The following GAN variants were observed in gnomAD, a reference collection of about 807,000 sequenced individuals.
GAN encodes gigaxonin, also known as epididymis secretory sperm binding protein.
In GAN, 48 loss-of-function variants were observed where a neutral mutation model predicts 71.3. The observed-to-expected ratio is 0.67, with a 90% CI of 0.53 to 0.86. The LOEUF is 0.86. GAN is among the 40% of genes least tolerant of loss of function. GAN has a pLI of 0.00. For synonymous variants in GAN, 386 were observed against 276.8 expected (o/e 1.39, Z -3.92); for missense variants, 928 against 770.1 (o/e 1.21, Z -2.43).
chr16:81,377,330 T>C lies in GAN; in HGVS notation c.1612+2T>C. The C allele has an allele frequency of 6.3e-7, 1 of 1,581,048 alleles. No individual in the cohort carries two copies. The highest frequency in any genetic ancestry group is 8.7e-7 in the Non-Finnish European group (1 of 1,149,782). On this transcript the variant is annotated splice_donor_variant, in intron 10 of 10. Transcript: ENST00000648994. LOFTEE classifies it high-confidence loss of function. The stretch of plus-strand genomic sequence containing the variant: ...ATGTTATTGGAGATCTTGATACAGG[T>C]AAGAGTGTTACAGTGATTTTCTTGG...
intron 1 of GAN, among the ~76,000 whole-genome samples, chr16:81,342,723 T>A (rs1347621658): frequency 6.6e-6 from 1 of 152,020 alleles, no homozygotes; most frequent in Non-Finnish European, 1.5e-5. Context: ...TTAAAAGAAC[T>A]AGAGAAGCAA....
At chr16:81,370,489 T>C (rs1242444823) in intron 9 of GAN, among the ~76,000 whole-genome samples, 1 of 152,248 alleles carries the variant, frequency 6.6e-6, no homozygotes, top group African/African-American at 2.4e-5. Flanking sequence ...ATAGCTAATG[T>C]AGGAAGCACA....
Position 81,389,457 on chromosome 16 carries a change from A to G in GAN, c.*11861A>G, listed in dbSNP as rs548724452. On this transcript the variant is annotated 3_prime_UTR_variant, in exon 11 of 11. Coordinates refer to ENST00000648994, the MANE Select transcript of GAN (RefSeq NM_022041.4). ...GTGTACCAGCAGCCTGGAAGTGACC[A>G]GCAGAGCTGACAAAAGCACCCCCTG... is the stretch of plus-strand genomic sequence containing the variant. 10 of 152,350 alleles carry G rather than the reference A, an allele frequency of 6.6e-5. No individual in the cohort carries two copies. The South Asian group carries it at 2.1e-3, about 32-fold the overall frequency. 9.4% of individuals were successfully genotyped at this position (152,350 alleles called of 1,614,324 possible). A position where few individuals can be genotyped will look rare whatever the true frequency, so the allele number is the denominator to read the frequency against.
At chr16:81,351,530 T>G (rs1013423636) in intron 1 of GAN, 53 bp from the exon 2 acceptor site, 1 of 795,556 alleles carries the variant, frequency 1.3e-6, no homozygotes, top group African/African-American at 1.7e-5. Flanking sequence ...CATAAATATT[T>G]ATAGCTATTT....
Position 81,324,107 on chromosome 16 carries a change from G to T in GAN, c.167+8827G>T, listed in dbSNP as rs569911911. Reference sequence around the variant, plus strand: ...AAACTTCTGATAGTCTGCCCTAAAAGAATTTAATTGGCTGATTTGACCCTT... The same window carrying T: ...AAACTTCTGATAGTCTGCCCTAAAATAATTTAATTGGCTGATTTGACCCTT... On this transcript the variant is annotated intron_variant, in intron 1 of 10. Coordinates refer to ENST00000648994, the MANE Select transcript of GAN (RefSeq NM_022041.4). 5.3e-5 allele frequency among the ~76,000 whole-genome samples: 8 copies of T among 152,242 alleles called. No homozygotes were observed. The East Asian group carries it at 7.7e-4, about 15-fold the overall frequency.
chr16:81,352,962 A>G (rs1363212848), intron 2 of GAN, among the ~76,000 whole-genome samples: 1 of 152,182 alleles, frequency 6.6e-6, no homozygotes, highest in African/African-American at 2.4e-5. Flanking sequence ...TTATTTACAG[A>G]TTGAGTTCTG....
At chr16:81,339,382 T>A (rs1004102094) in intron 1 of GAN, among the ~76,000 whole-genome samples, 1 of 152,254 alleles carries the variant, frequency 6.6e-6, no homozygotes, top group East Asian at 1.9e-4. Context: ...AGCTTTGTTG[T>A]ACCTAAGGTC....
At position 81,362,631 on chromosome 16, in the gene GAN, G is replaced by T; in HGVS notation, c.1086+20G>T. 1 of 1,219,660 alleles carries T rather than the reference G, an allele frequency of 8.2e-7. No homozygotes were observed. Among genetic ancestry groups the T allele is most frequent in the South Asian group, 1.2e-5 (1 of 83,248 alleles). The allele number at this position is 1,219,660 out of a possible 1,614,324, so 75.6% of individuals were successfully genotyped here. On this transcript the variant is annotated intron_variant, in intron 6 of 10. Coordinates refer to ENST00000648994, the MANE Select transcript of GAN (RefSeq NM_022041.4). ...AACGAGGTAAAACACTAGTTGGTTG[G>T]TTTGTTTGATGTGTTTCTCTTTCCC...
chr16:81,320,761 A>T (rs780453639), intron 1 of GAN, among the ~76,000 whole-genome samples: 1 of 152,200 alleles, frequency 6.6e-6, no homozygotes, highest in Non-Finnish European at 1.5e-5. Flanking sequence ...TCTTATGGTG[A>T]TGGAAAATAA....
rs1373742940 is a variant in GAN at position 81,353,267 on chromosome 16, G to C, written c.283-1138G>C. On this transcript the variant is annotated intron_variant, in intron 2 of 10. Coordinates refer to ENST00000648994, the MANE Select transcript of GAN (RefSeq NM_022041.4). ...AGATTGCGCCACTGCACTCCAGCGT[G>C]GGCGACAGAGCGAGACTCCGTCTCA... 2.8e-5 allele frequency among the ~76,000 whole-genome samples: 4 copies of C among 144,910 alleles called. No individual in the cohort carries two copies. In the East Asian group the frequency reaches 6.1e-4, roughly 22 times the overall value.
chr16:81,382,704 G>A lies in GAN; in HGVS notation c.*5108G>A, dbSNP rs1398036483. Reference sequence around the variant, plus strand: ...GCCCATATTTGATAACACAGACTTGGATTGAGTGTCTGTCATGCCTGCTGG... The same window carrying A: ...GCCCATATTTGATAACACAGACTTGAATTGAGTGTCTGTCATGCCTGCTGG... On this transcript the variant is annotated 3_prime_UTR_variant, in exon 11 of 11. Coordinates refer to ENST00000648994, the MANE Select transcript of GAN (RefSeq NM_022041.4). 4 of 152,284 alleles carry A rather than the reference G, an allele frequency of 2.6e-5. No homozygotes were observed. The East Asian group carries it at 7.7e-4, about 29-fold the overall frequency. 9.4% of individuals were successfully genotyped at this position (152,284 alleles called of 1,614,324 possible). A position where few individuals can be genotyped will look rare whatever the true frequency, so the allele number is the denominator to read the frequency against.
chr16:81,315,275 C>T lies in GAN; in HGVS notation c.162C>T (p.Tyr54=). 1.3e-6 allele frequency: 2 copies of T among 1,558,546 alleles called. No homozygotes were observed. Reference sequence around the variant, plus strand: ...ACATCCTGGCGGCGGCCAGCCCGTACATCAGGTGGGGAGGGGGCTACGGCG... The same window carrying T: ...ACATCCTGGCGGCGGCCAGCCCGTATATCAGGTGGGGAGGGGGCTACGGCG... ...QKNILAAASP[Y]IRTKLNYNPP... Residue 54 remains tyrosine, a synonymous_variant, in exon 1 of 11, where the codon TAC becomes TAT. Transcript: ENST00000648994.
intron 1 of GAN, among the ~76,000 whole-genome samples, chr16:81,318,460 C>T (rs1346876205): frequency 1.3e-5 from 2 of 151,978 alleles, no homozygotes; most frequent in African/African-American, 2.4e-5. Context: ...GTCAGGAGTT[C>T]GAGACTAGCC....
intron 1 of GAN, among the ~76,000 whole-genome samples, chr16:81,331,815 G>T (rs1404958205): frequency 6.6e-6 from 1 of 152,206 alleles, no homozygotes; most frequent in Non-Finnish European, 1.5e-5. Context: ...GCCCAGACTG[G>T]GGTCTTCAGT....
At chr16:81,342,526 T>G (rs1003865752) in intron 1 of GAN, among the ~76,000 whole-genome samples, 1 of 152,214 alleles carries the variant, frequency 6.6e-6, no homozygotes, top group Non-Finnish European at 1.5e-5. Context: ...TGCTCCTGAA[T>G]GATTACTGGG....
intron 1 of GAN, among the ~76,000 whole-genome samples, chr16:81,332,353 C>G (rs542716115): frequency 3.3e-5 from 5 of 152,242 alleles, no homozygotes; most frequent in African/African-American, 1.2e-4. Flanking sequence ...AAAGTTAGTT[C>G]TTGCAGCAGG....
chr16:81,339,107 C>T (rs1288694794), intron 1 of GAN, among the ~76,000 whole-genome samples: 1 of 152,152 alleles, frequency 6.6e-6, no homozygotes, highest in South Asian at 2.1e-4. Flanking sequence ...AAAAACATAG[C>T]ACAGATAATT....
chr16:81,370,861 T>C (rs898986514), intron 9 of GAN, among the ~76,000 whole-genome samples: 2 of 152,270 alleles, frequency 1.3e-5, no homozygotes, highest in Admixed American at 6.5e-5. Context: ...TTTTACTCTT[T>C]TCTAGCTTCT....
chr16:81,314,986 G>T lies in GAN; in HGVS notation c.-128G>T, dbSNP rs548431033. ...CGGATAGCACAGGCACGTCCCGGGG[G>T]CTCCAGCTTCTGCTCAGAGCGCGGA... On this transcript the variant is annotated 5_prime_UTR_variant, in exon 1 of 11. Transcript: ENST00000648994. 2.2e-5 allele frequency: 17 copies of T among 757,520 alleles called. No individual in the cohort carries two copies. Among genetic ancestry groups the T allele is most frequent in the Non-Finnish European group, 2.6e-5 (14 of 530,984 alleles). The allele number at this position is 757,520 out of a possible 1,614,324, so 46.9% of individuals were successfully genotyped here.
Sources: allele counts gnomAD v4.1 joint callset (sites outside exome capture counted in the v4.1 genomes callset), GRCh38; gene constraint gnomAD v4.1.1; transcripts MANE v1.5; gene names NCBI Gene and HGNC (gene_info 2026-07-23, HGNC 2026-07-21).